The following ARNT2 variants were observed in gnomAD, a reference collection of about 807,000 sequenced individuals.
ARNT2 encodes ARNT protein 2.
Under a neutral mutation model 91.7 loss-of-function variants are expected in ARNT2, and 36 were observed. The ratio of observed to expected loss-of-function variants is 0.39; its 90% CI spans 0.30 to 0.52. The LOEUF is 0.52. Among genes scored for constraint, ARNT2 ranks in the 20% least tolerant of loss-of-function variants. ARNT2 has a pLI of 0.72. For synonymous variants in ARNT2, 365 were observed against 347.1 expected (o/e 1.05, Z -0.57); for missense variants, 775 against 939.3 (o/e 0.83, Z 2.29).
chr15:80,454,058 C>T (rs189204938), intron 2 of ARNT2, among the ~76,000 whole-genome samples: 3 of 152,362 alleles, frequency 2.0e-5, no homozygotes, highest in Non-Finnish European at 1.5e-5. Flanking sequence ...TCCCATTTCC[C>T]TGACAGCCTT....
At chr15:80,577,036 C>CTGTGCTCTGAG in intron 15 of ARNT2, 71 bp downstream of exon 15, 4 of 1,470,830 alleles carry the variant, frequency 2.7e-6, no homozygotes, top group Non-Finnish European at 3.8e-6. Flanking sequence ...GGTCTCAGAG[C>CTGTGCTCTGAG]ACAGCTCTGT....
intron 1 of ARNT2, among the ~76,000 whole-genome samples, chr15:80,449,055 G>C (rs1896348740): frequency 6.6e-6 from 1 of 152,202 alleles, no homozygotes; most frequent in Non-Finnish European, 1.5e-5. Context: ...TAGCTGAGCA[G>C]GTGATCCATT....
chr15:80,468,921 G>C (rs779155369), intron 3 of ARNT2, among the ~76,000 whole-genome samples: 1 of 152,168 alleles, frequency 6.6e-6, no homozygotes, highest in Non-Finnish European at 1.5e-5. Context: ...CCCTCAGCAC[G>C]TGCTACTTGG....
At chr15:80,442,782 A>C (rs1896213236) in intron 1 of ARNT2, 71 of 926,378 alleles carry the variant, frequency 7.7e-5, no homozygotes, top group Non-Finnish European at 9.1e-5. Context: ...GTAAATATGC[A>C]ACTGGCCCAA....
chr15:80,491,256 AC>A (rs1179880881), intron 5 of ARNT2, among the ~76,000 whole-genome samples: 1 of 152,258 alleles, frequency 6.6e-6, no homozygotes, highest in Admixed American at 6.5e-5. Context: ...TTACAGTTCC[AC>A]ATGGCTGGGG....
rs1203451360 is a variant in ARNT2 at position 80,498,191 on chromosome 15, C to G, written c.623-9965C>G. Among the ~76,000 whole-genome samples, 6 of 152,210 alleles carry G rather than the reference C, an allele frequency of 3.9e-5. No individual in the cohort carries two copies. The East Asian group carries it at 9.6e-4, about 24-fold the overall frequency. ...CCAGCCATCTCCAGTTGCACTCCCT[C>G]CTTCCTGCCTGGAAGCACCGATGGC... is the stretch of plus-strand genomic sequence containing the variant. On this transcript the variant is annotated intron_variant, in intron 5 of 18. Coordinates refer to ENST00000303329, the MANE Select transcript of ARNT2 (RefSeq NM_014862.4).
At chr15:80,438,790 C>T (rs934066320) in intron 1 of ARNT2, among the ~76,000 whole-genome samples, 5 of 152,122 alleles carry the variant, frequency 3.3e-5, no homozygotes, top group African/African-American at 4.8e-5. Context: ...CCTGGGTTCA[C>T]GCGATTCTCC....
At chr15:80,559,687 GCA>G (rs1465396573) in intron 11 of ARNT2, among the ~76,000 whole-genome samples, 2 of 152,136 alleles carry the variant, frequency 1.3e-5, no homozygotes, top group African/African-American at 4.8e-5. Context: ...CCCTCTCCAG[GCA>G]CAGTTTACCT....
In ARNT2 at chr15:80,446,943, G is replaced by T. The variant is rs533963719; in HGVS notation, c.32-3937G>T. Among the ~76,000 whole-genome samples, 71 of 152,082 alleles carry T rather than the reference G, an allele frequency of 4.7e-4. No homozygotes were observed. In the Middle Eastern group the frequency reaches 0.017, roughly 36 times the overall value. On this transcript the variant is annotated intron_variant, in intron 1 of 18. Coordinates refer to ENST00000303329, the MANE Select transcript of ARNT2 (RefSeq NM_014862.4). ...TCTTCCACATGAAACCCTTTAAAAA[G>T]TATTATTCTATTTGTGATCACTCAA...
At chr15:80,577,065 A>C (rs1898690000) in intron 15 of ARNT2, 100 bp downstream of exon 15, 1 of 1,208,344 alleles carries the variant, frequency 8.3e-7, no homozygotes, top group African/African-American at 1.5e-5. Flanking sequence ...AGCATGAGTT[A>C]GTGGTTACTG....
chr15:80,475,042 T>C lies in ARNT2; in HGVS notation c.441T>C (p.Asp147=). ...AGCATCTCATCCTTGAAGCAGCTGA[T>C]GGATTTCTGTTTGTGGTGGCTGCTG... ...ELKHLILEAA[D]GFLFVVAAET... The change falls in exon 5 of 19, where the codon GAT becomes GAC. Residue 147 remains aspartate (D), a synonymous_variant. Coordinates refer to ENST00000303329, the MANE Select transcript of ARNT2 (RefSeq NM_014862.4). The C allele has an allele frequency of 1.2e-6, 2 of 1,614,222 alleles. No individual in the cohort carries two copies. Among genetic ancestry groups the C allele is most frequent in the Non-Finnish European group, 8.5e-7 (1 of 1,180,050 alleles).
intron 11 of ARNT2, among the ~76,000 whole-genome samples, chr15:80,559,451 C>A (rs1042747975): frequency 6.6e-5 from 10 of 152,216 alleles, no homozygotes; most frequent in Non-Finnish European, 1.5e-4. Context: ...CGGCCACTGA[C>A]AGCCAAGGTG....
Position 80,592,083 on chromosome 15 carries a change from C to T in ARNT2, c.2055+379C>T, listed in dbSNP as rs540936485. ...ACTGGCTGACCCTCTTTCTTCCCAC[C>T]GTAGCCCCCAGGATGTGGAGGACAT... On this transcript the variant is annotated intron_variant, in intron 18 of 18. Coordinates refer to ENST00000303329, the MANE Select transcript of ARNT2 (RefSeq NM_014862.4). Among the ~76,000 whole-genome samples the T allele has an allele frequency of 4.4e-3, 663 of 152,294 alleles. 1 individual carries two copies. Among genetic ancestry groups the T allele is most frequent in the Non-Finnish European group, 7.7e-3 (522 of 68,016 alleles).
At chr15:80,450,757 C>T (rs771184276) in intron 1 of ARNT2, 123 bp from the exon 2 acceptor site, 29 of 926,512 alleles carry the variant, frequency 3.1e-5, no homozygotes, top group African/African-American at 1.8e-4. Flanking sequence ...GCAGAGCGGC[C>T]GCAGGATGCA....
chr15:80,550,572 T>G (rs1348355524), intron 8 of ARNT2, among the ~76,000 whole-genome samples: 1 of 152,188 alleles, frequency 6.6e-6, no homozygotes, highest in Non-Finnish European at 1.5e-5. Context: ...AGACCCACAT[T>G]GGACCAAACA....
chr15:80,460,456 G>A lies in ARNT2; in HGVS notation c.194+2480G>A, dbSNP rs902661085. 9.9e-5 allele frequency among the ~76,000 whole-genome samples: 15 copies of A among 152,204 alleles called. 1 individual carries two copies. The highest frequency in any genetic ancestry group is 5.9e-4 in the Admixed American group (9 of 15,282). ...TGACCTCAGGTGCACACACAAGCAC[G>A]CACATGCACACGCCCATACGTGCAT... On this transcript the variant is annotated intron_variant, in intron 3 of 18. Transcript: ENST00000303329.
At chr15:80,425,332 T>TG (rs761939525) in intron 1 of ARNT2, among the ~76,000 whole-genome samples, 23 of 152,210 alleles carry the variant, frequency 1.5e-4, no homozygotes, top group Non-Finnish European at 3.1e-4. Context: ...TTTGTTTTTT[T>TG]GAGTGAAGAA....
intron 8 of ARNT2, among the ~76,000 whole-genome samples, chr15:80,526,440 G>A (rs1484500465): frequency 6.6e-6 from 1 of 152,206 alleles, no homozygotes; most frequent in Non-Finnish European, 1.5e-5. Context: ...ATTCAGCTTT[G>A]AGCCAAATGT....
Position 80,591,485 on chromosome 15 carries a change from C to A in ARNT2, c.1919-83C>A. 1.9e-6 allele frequency: 3 copies of A among 1,563,650 alleles called. No individual in the cohort carries two copies. The highest frequency in any genetic ancestry group is 2.3e-5 in the East Asian group (1 of 44,416). On this transcript the variant is annotated intron_variant, in intron 17 of 18. Coordinates refer to ENST00000303329, the MANE Select transcript of ARNT2 (RefSeq NM_014862.4). This position sits in a 1 kb window ranked among gnomAD's most constrained non-coding sequence, Gnocchi z 5.1. ...GAACGTGCCTTTCAGAAGCGGGAGGCCCTCCAGCCGCAGTGGTTCTTAGGT... is the reference window on the plus strand; with the variant it reads ...GAACGTGCCTTTCAGAAGCGGGAGGACCTCCAGCCGCAGTGGTTCTTAGGT...
Sources: gnomAD v4.1 joint callset for allele counts (sites outside exome capture counted in the v4.1 genomes callset) on GRCh38, gnomAD v4.1.1 for gene constraint, Gnocchi (gnomAD v3.1) non-coding constraint, MANE v1.5 for transcripts, NCBI Gene and HGNC (gene_info 2026-07-23, HGNC 2026-07-21) for gene names.